Variants in SMC6 observed in about 807,000 individuals in gnomAD.
SMC6 encodes structural maintenance of chromosomes 6, also known as structural maintenance of chromosomes protein 6.
A neutral mutation model predicts 142.2 loss-of-function variants in SMC6; 79 were observed. The ratio of observed to expected loss-of-function variants is 0.56; its 90% confidence interval spans 0.46 to 0.67. The LOEUF is 0.67. Among genes scored for constraint, SMC6 ranks in the 30% least tolerant of loss-of-function variants. SMC6 has a pLI of 0.00. For missense variants in SMC6, 1,072 were observed against 1,284.0 expected, an observed-to-expected ratio of 0.83 and a Z score of 2.52; for synonymous variants, 411 against 412.4, an observed-to-expected ratio of 1.00 and a Z score of 0.04.
rs896502250 is a variant in SMC6, at chr2:17,663,943, T to C, written c.*1556A>G. ...AGGAAGATATTTTCACTTATGATAGTTGAAATCAAAACTTTGTGAGGCCAA... is the reference window on the plus strand; with the variant it reads ...AGGAAGATATTTTCACTTATGATAGCTGAAATCAAAACTTTGTGAGGCCAA... On this transcript the variant is annotated 3_prime_UTR_variant, in exon 28 of 28. Coordinates refer to ENST00000448223, the MANE Select transcript of SMC6 (RefSeq NM_001142286.2). The C allele has an allele frequency of 6.6e-5, 10 of 152,238 alleles. No homozygotes were observed. The highest frequency in any genetic ancestry group is 2.1e-4 in the South Asian group (1 of 4,826). 9.4% of individuals were successfully genotyped at this position (152,238 alleles called of 1,614,324 possible).
At chr2:17,694,910 C>A (rs372777027) in intron 23 of SMC6, among the ~76,000 whole-genome samples, 5 of 152,050 alleles carry the variant, frequency 3.3e-5, no homozygotes, top group Non-Finnish European at 7.4e-5. Flanking sequence ...TCTATATGAA[C>A]CTTATAGATA....
At chr2:17,732,713 A>G (rs1338789524) in intron 5 of SMC6, among the ~76,000 whole-genome samples, 3 of 152,102 alleles carry the variant, frequency 2.0e-5, no homozygotes, top group African/African-American at 7.2e-5. Context: ...AAAAAAAAGA[A>G]AAAAGAAACT....
intron 3 of SMC6, among the ~76,000 whole-genome samples, chr2:17,743,535 A>G (rs1355441421): frequency 6.6e-6 from 1 of 152,174 alleles, no homozygotes; most frequent in Non-Finnish European, 1.5e-5. Context: ...CCTCATTATC[A>G]ACATCCACTA....
At chr2:17,728,031 T>G (rs1040754577) in intron 7 of SMC6, among the ~76,000 whole-genome samples, 2 of 152,218 alleles carry the variant, frequency 1.3e-5, no homozygotes, top group Admixed American at 6.5e-5. Context: ...AACAAACATC[T>G]TAACATCAAC....
chr2:17,702,036 G>A (rs533869140), intron 19 of SMC6, 127 bp from the exon 20 acceptor site: 4 of 574,236 alleles, frequency 7.0e-6, no homozygotes, highest in South Asian at 2.4e-5. Flanking sequence ...TAATGAAAGG[G>A]GTACATTAGT....
chr2:17,668,076 C>T (rs1312446328), intron 26 of SMC6, among the ~76,000 whole-genome samples: 1 of 152,180 alleles, frequency 6.6e-6, no homozygotes, highest in Non-Finnish European at 1.5e-5. Flanking sequence ...GATTAGCTCA[C>T]AGAACTTGGA....
intron 2 of SMC6, 78 bp from the exon 3 acceptor site, chr2:17,746,029 G>C (rs1284400368): frequency 7.5e-7 from 1 of 1,326,538 alleles, no homozygotes; most frequent in Non-Finnish European, 9.8e-7. Flanking sequence ...ATCTAACAAG[G>C]CTAATTAAAC....
intron 12 of SMC6, among the ~76,000 whole-genome samples, chr2:17,717,464 G>C (rs1669151355): frequency 6.6e-6 from 1 of 152,150 alleles, no homozygotes. Flanking sequence ...GAGGTCAGGA[G>C]ATCTAGACCA....
intron 2 of SMC6, among the ~76,000 whole-genome samples, chr2:17,746,845 C>A (rs1041688982): frequency 6.6e-6 from 1 of 152,006 alleles, no homozygotes; most frequent in African/African-American, 2.4e-5. Flanking sequence ...TAAAAGGAGA[C>A]AAAAATCTCT....
At chr2:17,716,646 G>T in intron 14 of SMC6, 95 bp downstream of exon 14, 2 of 1,242,536 alleles carry the variant, frequency 1.6e-6, no homozygotes, top group Non-Finnish European at 2.2e-6. Flanking sequence ...TTATTATGTA[G>T]AAGAAACAAC....
At chr2:17,747,444 T>G (rs888117099) in intron 2 of SMC6, among the ~76,000 whole-genome samples, 7 of 152,166 alleles carry the variant, frequency 4.6e-5, no homozygotes, top group Non-Finnish European at 7.4e-5. Flanking sequence ...GAGCTTTTGC[T>G]TATGTCTATC....
intron 12 of SMC6, 69 bp from the exon 13 acceptor site, chr2:17,717,245 T>G: frequency 1.8e-6 from 2 of 1,126,020 alleles, no homozygotes; most frequent in Non-Finnish European, 2.6e-6. Flanking sequence ...TCCACTTTTG[T>G]CAAATCTTCA....
rs200233119 is a variant in SMC6 at position 17,721,115 on chromosome 2, G to A, written c.846+27C>T. 28 of 1,610,534 alleles carry A rather than the reference G, an allele frequency of 1.7e-5. 1 individual carries two copies. The East Asian group carries it at 2.0e-4, about 12-fold the overall frequency. ...TACATTCTGCATATCACATAGATAC[G>A]TGAACAAGTAATTAAGTGATAATTA... On this transcript the variant is annotated intron_variant, in intron 10 of 27. Transcript: ENST00000448223.
chr2:17,739,962 C>A (rs1226638759), intron 4 of SMC6, among the ~76,000 whole-genome samples: 3 of 145,784 alleles, frequency 2.1e-5, no homozygotes, highest in African/African-American at 7.6e-5. Context: ...CTCCATTCAA[C>A]CAATCCAATC....
intron 27 of SMC6, 33 bp from the exon 28 acceptor site, chr2:17,665,646 C>T: frequency 1.5e-6 from 2 of 1,369,010 alleles, no homozygotes; most frequent in South Asian, 1.3e-5. Context: ...CTCAAATTTC[C>T]AAGAAACCTT....
intron 17 of SMC6, 82 bp from the exon 18 acceptor site, chr2:17,707,461 CTTA>C (rs1668563022): frequency 1.3e-6 from 1 of 797,500 alleles, no homozygotes. Context: ...GTTACTCGTC[CTTA>C]TTATTTTAAT....
intron 2 of SMC6, among the ~76,000 whole-genome samples, chr2:17,752,132 G>A (rs979714553): frequency 5.3e-5 from 8 of 152,108 alleles, no homozygotes; most frequent in Non-Finnish European, 1.2e-4. Context: ...TGTCAGCTAG[G>A]TACAGTCAAT....
rs377234270 is a variant in SMC6 at position 17,741,591 on chromosome 2, G to A, written c.238+21C>T. Reference sequence around the variant, plus strand: ...CTCAAAGTACTGCTCAAAGTCAAACGAGAAGGGAAAAAACACTTACTTCCA... The same window carrying A: ...CTCAAAGTACTGCTCAAAGTCAAACAAGAAGGGAAAAAACACTTACTTCCA... On this transcript the variant is annotated intron_variant, in intron 4 of 27. Coordinates refer to ENST00000448223, the MANE Select transcript of SMC6 (RefSeq NM_001142286.2). 1.1e-4 allele frequency: 172 copies of A among 1,506,438 alleles called. No individual in the cohort carries two copies. In the African/African-American group the frequency reaches 1.3e-3, roughly 11 times the overall value. 93.3% of individuals were successfully genotyped at this position (1,506,438 alleles called of 1,614,324 possible).
intron 1 of SMC6, 81 bp downstream of exon 1, chr2:17,753,545 G>A (rs989310638): frequency 7.3e-5 from 11 of 151,296 alleles, no homozygotes; most frequent in African/African-American, 2.7e-4. Flanking sequence ...CCGGGTGGCT[G>A]GGGGTCGCCA....
Sources: gnomAD v4.1 joint callset for allele counts (sites outside exome capture counted in the v4.1 genomes callset) on GRCh38, gnomAD v4.1.1 for gene constraint, MANE v1.5 for transcripts, NCBI Gene and HGNC (gene_info 2026-07-23, HGNC 2026-07-21) for gene names.